RXRA: variants seen among roughly 807,000 people sequenced by gnomAD.
RXRA encodes retinoic acid receptor RXR-alpha.
RXRA carries 5 observed loss-of-function variants against 44.5 expected under a neutral mutation model. The observed-to-expected ratio is 0.11, with a 90% CI of 0.06 to 0.24. The LOEUF is 0.24. RXRA is among the 10% of genes least tolerant of loss of function. RXRA has a pLI of 1.00. For missense variants in RXRA, 412 were observed against 646.5 expected, an observed-to-expected ratio of 0.64 and a Z score of 3.93; for synonymous variants, 291 against 271.4, an observed-to-expected ratio of 1.07 and a Z score of -0.71.
Position 134,345,547 on chromosome 9 carries a change from C to G in RXRA, c.28+18888C>G, listed in dbSNP as rs537565064. On this transcript the variant is annotated intron_variant, in intron 1 of 9. Transcript: ENST00000481739. ...GGCAGGACGGGGGCTCTGGCGGGAG[C>G]CGACATCACATGTCTGGCCTGGCTG... Among the ~76,000 whole-genome samples, 4 of 152,296 alleles carry G rather than the reference C, an allele frequency of 2.6e-5. No individual in the cohort carries two copies. In the South Asian group the frequency reaches 8.3e-4, roughly 32 times the overall value.
At chr9:134,425,422 G>A (rs1159632046) in intron 6 of RXRA, 63 of 984,898 alleles carry the variant, frequency 6.4e-5, no homozygotes, top group Non-Finnish European at 7.2e-5. Flanking sequence ...AGGTTTCTCC[G>A]TCCAACCTCC....
At chr9:134,424,372 A>G (rs1831400009) in intron 6 of RXRA, 2 of 985,122 alleles carry the variant, frequency 2.0e-6, no homozygotes, top group South Asian at 9.4e-5. Context: ...CTGCGGCTGC[A>G]TGTCTCTGAG....
At chr9:134,410,075 A>G (rs1371504129) in intron 4 of RXRA, among the ~76,000 whole-genome samples, 1 of 152,084 alleles carries the variant, frequency 6.6e-6, no homozygotes, top group African/African-American at 2.4e-5. Context: ...CTGCAGTTTC[A>G]TTTCATCATC....
chr9:134,342,732 T>A lies in RXRA; in HGVS notation c.28+16073T>A, dbSNP rs1403825652. ...TGTGGGCCGCCCTGACCTGGTGGGTTTGGGGGAACCTGGCCCCATAGGAGA... is the reference window on the plus strand; with the variant it reads ...TGTGGGCCGCCCTGACCTGGTGGGTATGGGGGAACCTGGCCCCATAGGAGA... On this transcript the variant is annotated intron_variant, in intron 1 of 9. Coordinates refer to ENST00000481739, the MANE Select transcript of RXRA (RefSeq NM_002957.6). This position sits in a 1 kb window ranked among gnomAD's most constrained non-coding sequence, Gnocchi z 4.4. Among the ~76,000 whole-genome samples, 1 of 152,030 alleles carries A rather than the reference T, an allele frequency of 6.6e-6. No individual in the cohort carries two copies. Among genetic ancestry groups the A allele is most frequent in the Non-Finnish European group, 1.5e-5 (1 of 67,960 alleles).
chr9:134,371,398 C>T lies in RXRA; in HGVS notation c.29-30234C>T, dbSNP rs1027796819. Among the ~76,000 whole-genome samples the T allele has an allele frequency of 2.6e-5, 4 of 152,320 alleles. No homozygotes were observed. In the South Asian group the frequency reaches 6.2e-4, roughly 24 times the overall value. The stretch of plus-strand genomic sequence containing the variant: ...TTCATTCAGGCAGGGCCAGGGTAGC[C>T]GTGGCTATGAGCCCAGGTGGGTATG... On this transcript the variant is annotated intron_variant, in intron 1 of 9. Coordinates refer to ENST00000481739, the MANE Select transcript of RXRA (RefSeq NM_002957.6).
rs1445398566 is a variant in RXRA, at chr9:134,365,162, C to T, written c.29-36470C>T. ...CACAGAGGCGGCTGTTGCTGGAGGG[C>T]TGATGGCACGCTGGGCCCGGGAAAG... On this transcript the variant is annotated intron_variant, in intron 1 of 9. Coordinates refer to ENST00000481739, the MANE Select transcript of RXRA (RefSeq NM_002957.6). This position sits in a 1 kb window ranked among gnomAD's most constrained non-coding sequence, Gnocchi z 4.0. Among the ~76,000 whole-genome samples the T allele has an allele frequency of 3.3e-5, 5 of 152,242 alleles. No homozygotes were observed. Among genetic ancestry groups the T allele is most frequent in the Non-Finnish European group, 7.3e-5 (5 of 68,034 alleles).
chr9:134,374,738 C>T (rs1830532017), intron 1 of RXRA, among the ~76,000 whole-genome samples: 1 of 152,228 alleles, frequency 6.6e-6, no homozygotes, highest in Non-Finnish European at 1.5e-5. Flanking sequence ...TTCATTCCTA[C>T]AGAAGAGGAG....
intron 1 of RXRA, among the ~76,000 whole-genome samples, chr9:134,354,369 C>T (rs1391908507): frequency 1.3e-5 from 2 of 152,226 alleles, no homozygotes; most frequent in South Asian, 4.1e-4. Flanking sequence ...TCTTCTGGGT[C>T]CCCCTCCTTG....
At chr9:134,371,572 C>G (rs764070439) in intron 1 of RXRA, among the ~76,000 whole-genome samples, 5 of 152,246 alleles carry the variant, frequency 3.3e-5, no homozygotes, top group African/African-American at 1.2e-4. Context: ...TGGCAGAGAA[C>G]TCTCGCCCCA....
intron 1 of RXRA, among the ~76,000 whole-genome samples, chr9:134,327,028 C>T (rs1834925976): frequency 6.6e-6 from 1 of 151,870 alleles, no homozygotes; most frequent in Non-Finnish European, 1.5e-5. Flanking sequence ...CGCTCCGCGG[C>T]TCCGGCCTCC....
intron 5 of RXRA, among the ~76,000 whole-genome samples, chr9:134,419,425 AG>A (rs1428906054): frequency 2.6e-5 from 4 of 152,044 alleles, no homozygotes; most frequent in African/African-American, 9.7e-5. Context: ...TTCCACGGGG[AG>A]GGGGTCTCTC....
At chr9:134,423,726 G>T (rs1392926400) in intron 6 of RXRA, 1 of 985,328 alleles carries the variant, frequency 1.0e-6, no homozygotes, top group Non-Finnish European at 1.2e-6. Flanking sequence ...TGAGTATTCC[G>T]CCTGCCAAGG....
At chr9:134,400,570 G>A (rs761089137) in intron 1 of RXRA, among the ~76,000 whole-genome samples, 37 of 152,198 alleles carry the variant, frequency 2.4e-4, no homozygotes, top group Admixed American at 9.8e-4. Context: ...ACTTGCTGCC[G>A]TCTGTGCTGC....
At chr9:134,420,392 G>GGAATGAGTGAGTCTGTGTA (rs1345207973) in intron 5 of RXRA, among the ~76,000 whole-genome samples, 1 of 152,210 alleles carries the variant, frequency 6.6e-6, no homozygotes, top group Non-Finnish European at 1.5e-5. Flanking sequence ...GGTTTGTGGA[G>GGAATGAGTGAGTCTGTGTA]GAATGAGTGA....
At chr9:134,380,176 G>T in intron 1 of RXRA, 1 of 985,438 alleles carries the variant, frequency 1.0e-6, no homozygotes, top group African/African-American at 1.7e-5. Context: ...GCGTGTGTTG[G>T]GGGTGGCCCC....
chr9:134,423,255 C>G (rs1054778995), intron 6 of RXRA: 10 of 985,322 alleles, frequency 1.0e-5, no homozygotes, highest in Non-Finnish European at 1.1e-5. Context: ...CCTCACTGCC[C>G]GACGATGGTG....
chr9:134,404,483 A>G (rs866861989), intron 2 of RXRA: 3 of 152,168 alleles, frequency 2.0e-5, no homozygotes, highest in Admixed American at 1.3e-4. Context: ...CGTTGCAGGT[A>G]TTGGTGGAGT....
At chr9:134,382,796 G>A (rs1016112884) in intron 1 of RXRA, among the ~76,000 whole-genome samples, 10 of 152,192 alleles carry the variant, frequency 6.6e-5, no homozygotes, top group African/African-American at 2.4e-4. Context: ...CCTGAGAGCT[G>A]GTCCGGGGTG....
rs376267840 is a variant in RXRA at position 134,436,972 on chromosome 9, G to A, written c.*358G>A. On this transcript the variant is annotated 3_prime_UTR_variant, in exon 10 of 10. Coordinates refer to ENST00000481739, the MANE Select transcript of RXRA (RefSeq NM_002957.6). ...CCCTGGAGCTGCAGGAGTTGGGAAC[G>A]GGGCTTTTGTTTCCGTTGCTGTTTA... is the stretch of plus-strand genomic sequence containing the variant. 1.6e-5 allele frequency: 4 copies of A among 246,644 alleles called. No individual in the cohort carries two copies. In the South Asian group the frequency reaches 2.8e-4, roughly 17 times the overall value. 15.3% of individuals were successfully genotyped at this position (246,644 alleles called of 1,614,324 possible). A position where few individuals can be genotyped will look rare whatever the true frequency, so the allele number is the denominator to read the frequency against.
Sources: allele counts gnomAD v4.1 joint callset (sites outside exome capture counted in the v4.1 genomes callset), GRCh38; gene constraint gnomAD v4.1.1; non-coding constraint Gnocchi (gnomAD v3.1); transcripts MANE v1.5; gene names NCBI Gene and HGNC (gene_info 2026-07-23, HGNC 2026-07-21).